Variants in MAP3K20 observed in about 807,000 individuals in gnomAD.
MAP3K20 encodes the protein HCCS-4.
In MAP3K20, 40 loss-of-function variants were observed where a neutral mutation model predicts 85.7. The ratio of observed to expected loss-of-function variants is 0.47; its 90% CI spans 0.36 to 0.61. The LOEUF (loss-of-function observed/expected upper bound fraction) is 0.61, where lower values mean the gene tolerates loss of function less well. Ranked by LOEUF, MAP3K20 falls within the 20% of genes least tolerant of loss-of-function variation. The pLI, the probability that MAP3K20 is intolerant of heterozygous loss-of-function variation, is 0.00. For synonymous variants in MAP3K20, 325 were observed against 327.7 expected (o/e 0.99, Z 0.09); for missense variants, 817 against 961.7 (o/e 0.85, Z 1.99).
chr2:173,183,082 A>G, intron 4 of MAP3K20, 127 bp downstream of exon 4: 5 of 682,444 alleles, frequency 7.3e-6, no homozygotes, highest in Non-Finnish European at 1.2e-5. Flanking sequence ...AAAAGTAGTA[A>G]GAATTCCACA....
intron 2 of MAP3K20, among the ~76,000 whole-genome samples, chr2:173,162,831 A>G (rs899842745): frequency 6.6e-6 from 1 of 152,198 alleles, no homozygotes; most frequent in South Asian, 2.1e-4. Flanking sequence ...TGTCAGTGCC[A>G]CATCACATGC....
chr2:173,225,930 C>T (rs1684375585), intron 11 of MAP3K20: 1 of 982,960 alleles, frequency 1.0e-6, no homozygotes, highest in South Asian at 4.7e-5. Flanking sequence ...AGAAAAAAAA[C>T]TCATTGAGAT....
intron 2 of MAP3K20, among the ~76,000 whole-genome samples, chr2:173,123,141 G>T (rs917751313): frequency 9.2e-5 from 14 of 152,160 alleles, no homozygotes; most frequent in African/African-American, 2.9e-4. Context: ...TCATGCCAGG[G>T]AAGTTCTGGC....
chr2:173,257,325 T>A (rs1306341764), intron 16 of MAP3K20, among the ~76,000 whole-genome samples: 3 of 152,212 alleles, frequency 2.0e-5, no homozygotes, highest in Non-Finnish European at 4.4e-5. Flanking sequence ...ATACCCCTTG[T>A]AAGTCCCCAT....
At chr2:173,261,577 T>C (rs542116160) in intron 18 of MAP3K20, among the ~76,000 whole-genome samples, 1 of 152,306 alleles carries the variant, frequency 6.6e-6, no homozygotes, top group Non-Finnish European at 1.5e-5. Flanking sequence ...GAAATATTAG[T>C]GTGCACCCAC....
At chr2:173,117,221 A>T (rs1458120687) in intron 2 of MAP3K20, among the ~76,000 whole-genome samples, 21 of 152,224 alleles carry the variant, frequency 1.4e-4, no homozygotes, top group Admixed American at 1.4e-3. Flanking sequence ...GAGTCTCTTA[A>T]GAATGCCTGA....
At chr2:173,090,557 T>G in intron 1 of MAP3K20, 1 of 932,100 alleles carries the variant, frequency 1.1e-6, no homozygotes, top group Non-Finnish European at 1.3e-6. Flanking sequence ...TTAGGTTGTG[T>G]ATATTTTGTG....
chr2:173,227,415 G>C (rs550634997), intron 11 of MAP3K20, among the ~76,000 whole-genome samples: 1 of 152,278 alleles, frequency 6.6e-6, no homozygotes, highest in African/African-American at 2.4e-5. Flanking sequence ...AAAGGAAATG[G>C]TAAGCCACTC....
intron 2 of MAP3K20, among the ~76,000 whole-genome samples, chr2:173,094,236 A>G (rs1687392482): frequency 6.6e-6 from 1 of 152,122 alleles, no homozygotes; most frequent in South Asian, 2.1e-4. Context: ...ATTTAGTAAC[A>G]TTTTACATTT....
intron 12 of MAP3K20, 109 bp downstream of exon 12, chr2:173,229,842 G>A: frequency 3.2e-6 from 4 of 1,246,612 alleles, no homozygotes; most frequent in Non-Finnish European, 4.7e-6. Flanking sequence ...AACTAGGAGA[G>A]GTTGACAAAT....
At chr2:173,093,031 G>T (rs1687346502) in intron 2 of MAP3K20, among the ~76,000 whole-genome samples, 2 of 152,174 alleles carry the variant, frequency 1.3e-5, no homozygotes, top group South Asian at 2.1e-4. Context: ...TTGGGGCTTA[G>T]TCAGTGATTA....
At chr2:173,111,246 A>G (rs751967298) in intron 2 of MAP3K20, among the ~76,000 whole-genome samples, 1 of 152,012 alleles carries the variant, frequency 6.6e-6, no homozygotes, top group African/African-American at 2.4e-5. Flanking sequence ...AGAATTGTCT[A>G]TTCATGTCCT....
At chr2:173,183,856 T>C (rs772149071) in intron 4 of MAP3K20, among the ~76,000 whole-genome samples, 17 of 152,204 alleles carry the variant, frequency 1.1e-4, no homozygotes, top group Non-Finnish European at 2.2e-4. Context: ...CATACGTTGA[T>C]TTCACTGTGT....
chr2:173,126,538 C>A (rs538432974), intron 2 of MAP3K20, among the ~76,000 whole-genome samples: 8 of 152,234 alleles, frequency 5.3e-5, no homozygotes, highest in Admixed American at 3.9e-4. Flanking sequence ...CACCATCACA[C>A]CTAGCTAATT....
At chr2:173,090,633 T>A (rs1687266840) in intron 1 of MAP3K20, 2 of 994,620 alleles carry the variant, frequency 2.0e-6, no homozygotes, top group Non-Finnish European at 2.4e-6. Context: ...AAGCTTGCTG[T>A]GGAAAGCATG....
chr2:173,121,011 G>A (rs1191827103), intron 2 of MAP3K20, among the ~76,000 whole-genome samples: 1 of 152,096 alleles, frequency 6.6e-6, no homozygotes, highest in Non-Finnish European at 1.5e-5. Context: ...CCAGCCAGGA[G>A]TCACTCTCAC....
chr2:173,217,013 A>G, intron 10 of MAP3K20, 102 bp from the exon 11 acceptor site: 2 of 1,184,106 alleles, frequency 1.7e-6, no homozygotes, highest in Non-Finnish European at 2.2e-6. Flanking sequence ...ATTTTAAAGC[A>G]CCAGCATGTG....
At chr2:173,221,210 G>A (rs1559286777) in intron 11 of MAP3K20, 1 of 1,596,176 alleles carries the variant, frequency 6.3e-7, no homozygotes, top group Admixed American at 1.7e-5. Context: ...TAAAACAGAG[G>A]AGTCAAACAG....
rs892468454 is a variant in MAP3K20 at position 173,138,008 on chromosome 2, T to C, written c.160-31797T>C. On this transcript the variant is annotated intron_variant, in intron 2 of 19. Coordinates refer to ENST00000375213, the MANE Select transcript of MAP3K20 (RefSeq NM_016653.3). ...TGAGACAGGATCTTGCTGTGTCGCCTAGACTGGAGTGTGCAGTGGCGTGAT... is the reference window on the plus strand; with the variant it reads ...TGAGACAGGATCTTGCTGTGTCGCCCAGACTGGAGTGTGCAGTGGCGTGAT... Among the ~76,000 whole-genome samples, 4 of 152,182 alleles carry C rather than the reference T, an allele frequency of 2.6e-5. No individual in the cohort carries two copies. In the South Asian group the frequency reaches 8.3e-4, roughly 31 times the overall value.
Sources: allele counts gnomAD v4.1 joint callset (sites outside exome capture counted in the v4.1 genomes callset), GRCh38; gene constraint gnomAD v4.1.1; transcripts MANE v1.5; gene names NCBI Gene and HGNC (gene_info 2026-07-23, HGNC 2026-07-21).